Variants in CTNNA2 observed in about 807,000 individuals in gnomAD.
CTNNA2 encodes the protein catenin alpha-2.
In CTNNA2, 42 loss-of-function variants were observed where a neutral mutation model predicts 101.0. That is an observed-to-expected ratio of 0.42 (90% confidence interval 0.32 to 0.54). The LOEUF (loss-of-function observed/expected upper bound fraction) is 0.54, where lower values mean the gene tolerates loss of function less well. Among genes scored for constraint, CTNNA2 ranks in the 20% least tolerant of loss-of-function variants. CTNNA2 has a pLI of 0.14. For missense variants in CTNNA2, 871 were observed against 1,223.1 expected (o/e 0.71, Z 4.29); for synonymous variants, 450 against 456.4 (o/e 0.99, Z 0.18).
chr2:80,303,267 G>T lies in CTNNA2; in HGVS notation c.1057-89944G>T. On this transcript the variant is annotated intron_variant, in intron 7 of 18. Coordinates refer to ENST00000402739, the MANE Select transcript of CTNNA2 (RefSeq NM_001282597.3). This position sits in a 1 kb window ranked among gnomAD's most constrained non-coding sequence, Gnocchi z 7.7. ...CCGATGTCGAGAAACTTGAGGCTGC[G>T]GCAGTCCTGGAAGATGCGCACGGGC... The T allele has an allele frequency of 6.2e-7, 1 of 1,613,532 alleles. No individual in the cohort carries two copies. Among genetic ancestry groups the T allele is most frequent in the Non-Finnish European group, 8.5e-7 (1 of 1,180,016 alleles).
At chr2:79,326,166 C>A (rs1676741002) in intron 3 of CTNNA2, among the ~76,000 whole-genome samples, 1 of 152,016 alleles carries the variant, frequency 6.6e-6, no homozygotes, top group South Asian at 2.1e-4. Context: ...TAGTGGACTA[C>A]AAAATCTATC....
At chr2:79,386,133 T>C (rs1249014227) in intron 4 of CTNNA2, among the ~76,000 whole-genome samples, 1 of 152,194 alleles carries the variant, frequency 6.6e-6, no homozygotes, top group East Asian at 1.9e-4. Flanking sequence ...GTTGAACTAA[T>C]TTACACTCCC....
intron 7 of CTNNA2, among the ~76,000 whole-genome samples, chr2:80,179,294 G>A (rs949100829): frequency 6.6e-6 from 1 of 152,226 alleles, no homozygotes; most frequent in African/African-American, 2.4e-5. Context: ...AGATCCATCT[G>A]TCTTCTGCAC....
intron 6 of CTNNA2, among the ~76,000 whole-genome samples, chr2:79,901,181 T>A (rs1685046998): frequency 6.6e-6 from 1 of 152,140 alleles, no homozygotes; most frequent in Admixed American, 6.5e-5. Context: ...TTTGAAAGAA[T>A]GACTTTGACT....
intron 7 of CTNNA2, among the ~76,000 whole-genome samples, chr2:80,361,481 A>G (rs1361839275): frequency 6.6e-6 from 1 of 152,136 alleles, no homozygotes; most frequent in Admixed American, 6.6e-5. Context: ...GTTAAAGTAA[A>G]TGTTCACAAA....
At chr2:79,662,981 C>A (rs974094302) in intron 2 of CTNNA2, among the ~76,000 whole-genome samples, 1 of 151,904 alleles carries the variant, frequency 6.6e-6, no homozygotes, top group African/African-American at 2.4e-5. Flanking sequence ...TTGGTTGGTA[C>A]TCCTCCTTTC....
At chr2:79,822,431 G>A (rs1284181523) in intron 3 of CTNNA2, among the ~76,000 whole-genome samples, 5 of 152,070 alleles carry the variant, frequency 3.3e-5, no homozygotes, top group Non-Finnish European at 7.4e-5. Flanking sequence ...TTTATGCTTA[G>A]TATAAAAATC....
At chr2:79,349,457 C>A (rs1471546786) in intron 3 of CTNNA2, among the ~76,000 whole-genome samples, 1 of 152,106 alleles carries the variant, frequency 6.6e-6, no homozygotes, top group African/African-American at 2.4e-5. Context: ...CTGATTTGCT[C>A]TAGCCTTTGA....
intron 3 of CTNNA2, among the ~76,000 whole-genome samples, chr2:79,373,038 G>A (rs1215796388): frequency 6.6e-6 from 1 of 152,176 alleles, no homozygotes; most frequent in Admixed American, 6.5e-5. Flanking sequence ...AATAAAAAGG[G>A]TGGTATAATC....
chr2:80,203,919 A>G (rs1707366099), intron 7 of CTNNA2, among the ~76,000 whole-genome samples: 1 of 152,150 alleles, frequency 6.6e-6, no homozygotes, highest in South Asian at 2.1e-4. Context: ...CCCAAATCCC[A>G]ATTCTTGACT....
At chr2:80,594,784 C>G (rs1696806666) in intron 15 of CTNNA2, among the ~76,000 whole-genome samples, 1 of 151,818 alleles carries the variant, frequency 6.6e-6, no homozygotes, top group Non-Finnish European at 1.5e-5. Flanking sequence ...CAAATCTTAG[C>G]AAAAATCTTA....
chr2:79,602,794 G>T lies in CTNNA2; in HGVS notation c.-5-48758G>T, dbSNP rs904922523. Among the ~76,000 whole-genome samples, 5 of 152,166 alleles carry T rather than the reference G, an allele frequency of 3.3e-5. No individual in the cohort carries two copies. The South Asian group carries it at 1.0e-3, about 32-fold the overall frequency. ...CATGAAAAAATCGTGAAACCTTATTGAAAGACATAAAGTAACAGCTAAATA... is the reference window on the plus strand; with the variant it reads ...CATGAAAAAATCGTGAAACCTTATTTAAAGACATAAAGTAACAGCTAAATA... On this transcript the variant is annotated intron_variant, in intron 1 of 18. Coordinates refer to ENST00000402739, the MANE Select transcript of CTNNA2 (RefSeq NM_001282597.3).
intron 7 of CTNNA2, among the ~76,000 whole-genome samples, chr2:80,391,789 T>C (rs1196119335): frequency 6.6e-6 from 1 of 152,228 alleles, no homozygotes; most frequent in African/African-American, 2.4e-5. Context: ...TGTAGGCTGA[T>C]ATTTCAAAGT....
chr2:79,707,803 C>T (rs1685482874), intron 2 of CTNNA2, among the ~76,000 whole-genome samples: 1 of 152,160 alleles, frequency 6.6e-6, no homozygotes, highest in South Asian at 2.1e-4. Context: ...ATCTTGCAGC[C>T]AACTCTTCCT....
At chr2:79,501,305 A>G (rs1472846637) in intron 4 of CTNNA2, among the ~76,000 whole-genome samples, 1 of 152,122 alleles carries the variant, frequency 6.6e-6, no homozygotes, top group African/African-American at 2.4e-5. Flanking sequence ...TTAGATATGG[A>G]GTCTTGCCCT....
intron 7 of CTNNA2, among the ~76,000 whole-genome samples, chr2:80,103,833 C>G (rs1700705369): frequency 6.6e-6 from 1 of 152,194 alleles, no homozygotes; most frequent in Admixed American, 6.5e-5. Flanking sequence ...CTCCCGGGTT[C>G]AAGTGATTCT....
At chr2:79,666,867 T>A (rs80335611) in intron 2 of CTNNA2, among the ~76,000 whole-genome samples, 3 of 152,224 alleles carry the variant, frequency 2.0e-5, no homozygotes, top group African/African-American at 7.2e-5. Context: ...CCAGTTCACC[T>A]GTCTTCTCCT....
At chr2:79,777,862 A>T (rs1021005972) in intron 3 of CTNNA2, among the ~76,000 whole-genome samples, 2 of 151,188 alleles carry the variant, frequency 1.3e-5, no homozygotes, top group African/African-American at 2.4e-5. Flanking sequence ...GGTAGCAAAG[A>T]TCCACCAGTC....
chr2:79,710,163 T>C (rs1322110915), intron 2 of CTNNA2, among the ~76,000 whole-genome samples: 2 of 152,004 alleles, frequency 1.3e-5, no homozygotes, highest in African/African-American at 4.8e-5. Flanking sequence ...AGCTTCTGCC[T>C]GATTAATTCT....
Sources: gnomAD v4.1 joint callset for allele counts (sites outside exome capture counted in the v4.1 genomes callset) on GRCh38, gnomAD v4.1.1 for gene constraint, Gnocchi (gnomAD v3.1) non-coding constraint, MANE v1.5 for transcripts, NCBI Gene and HGNC (gene_info 2026-07-23, HGNC 2026-07-21) for gene names.